The following SUSD6 variants were observed in gnomAD, a reference collection of about 807,000 sequenced individuals.
SUSD6 encodes the protein sushi domain containing 6.
SUSD6 carries 16 observed loss-of-function variants against 28.4 expected under a neutral mutation model. That is an observed-to-expected ratio of 0.56 (90% CI 0.38 to 0.86). The LOEUF is 0.86. Among genes scored for constraint, SUSD6 ranks in the 40% least tolerant of loss-of-function variants. The pLI is 0.00. For missense variants in SUSD6, 341 were observed against 384.2 expected (o/e 0.89, Z 0.94); for synonymous variants, 147 against 159.6 (o/e 0.92, Z 0.59).
At chr14:69,659,602 C>G (rs1885633405) in intron 2 of SUSD6, among the ~76,000 whole-genome samples, 1 of 152,230 alleles carries the variant, frequency 6.6e-6, no homozygotes, top group Non-Finnish European at 1.5e-5. Context: ...ACTGCAACCT[C>G]TGCCTCCCGG....
intron 2 of SUSD6, among the ~76,000 whole-genome samples, chr14:69,664,109 G>A (rs1346836532): frequency 1.3e-5 from 2 of 152,038 alleles, no homozygotes; most frequent in Non-Finnish European, 2.9e-5. Flanking sequence ...CTCCCGAGTA[G>A]CTGGTACCAC....
intron 2 of SUSD6, among the ~76,000 whole-genome samples, chr14:69,690,828 T>C (rs2184598): frequency 0.12 from 18,768 of 152,240 alleles, 2,815 homozygotes; most frequent in African/African-American, 0.36. Context: ...CTGTGCACAG[T>C]GAGTACAGAG....
intron 1 of SUSD6, 96 bp downstream of exon 1, chr14:69,611,924 C>G (rs1884880563): frequency 6.6e-6 from 1 of 151,202 alleles, no homozygotes; most frequent in African/African-American, 2.4e-5. Flanking sequence ...CGCGCACCGC[C>G]CAGGAGTGAC....
intron 2 of SUSD6, among the ~76,000 whole-genome samples, chr14:69,693,536 T>C (rs1454131935): frequency 6.6e-6 from 1 of 152,124 alleles, no homozygotes; most frequent in Non-Finnish European, 1.5e-5. Context: ...TCTCCAAATA[T>C]CCAGAAATTT....
intron 1 of SUSD6, among the ~76,000 whole-genome samples, chr14:69,631,247 T>C (rs1885188921): frequency 6.6e-6 from 1 of 152,234 alleles, no homozygotes; most frequent in Non-Finnish European, 1.5e-5. Context: ...AGGGGGTGCA[T>C]AGCTGCAAGC....
intron 1 of SUSD6, among the ~76,000 whole-genome samples, chr14:69,651,760 C>A (rs1342357086): frequency 2.0e-5 from 3 of 152,092 alleles, no homozygotes; most frequent in Admixed American, 1.3e-4. Flanking sequence ...GATACTGTAG[C>A]CTGGCCATTT....
Position 69,692,851 on chromosome 14 carries a change from A to G in SUSD6, c.122-10544A>G, listed in dbSNP as rs374243432. Among the ~76,000 whole-genome samples, 12 of 152,318 alleles carry G rather than the reference A, an allele frequency of 7.9e-5. No homozygotes were observed. In the South Asian group the frequency reaches 2.5e-3, roughly 32 times the overall value. On this transcript the variant is annotated intron_variant, in intron 2 of 5. Coordinates refer to ENST00000342745, the MANE Select transcript of SUSD6 (RefSeq NM_014734.4). ...TCCTTCTGAGCTGCCGTAAACAGCC[A>G]TCTGGGCCTTTCCTGAGAGGACCAG...
At chr14:69,630,059 G>A (rs1885171140) in intron 1 of SUSD6, among the ~76,000 whole-genome samples, 1 of 152,186 alleles carries the variant, frequency 6.6e-6, no homozygotes, top group Admixed American at 6.5e-5. Context: ...AGTATTACTA[G>A]GCAGGCTGAT....
chr14:69,712,780 A>T lies in SUSD6; in HGVS notation c.*1801A>T, dbSNP rs1016554206. The T allele has an allele frequency of 6.6e-6, 1 of 152,592 alleles. No homozygotes were observed. Among genetic ancestry groups the T allele is most frequent in the African/African-American group, 2.4e-5 (1 of 41,436 alleles). 9.5% of individuals were successfully genotyped at this position (152,592 alleles called of 1,614,324 possible). ...CCTTCCTTCCTCTCAGGGTAAGGGC[A>T]GTGCCTGCTGTGCCTGTTGGCCACT... On this transcript the variant is annotated 3_prime_UTR_variant, in exon 6 of 6. Coordinates refer to ENST00000342745, the MANE Select transcript of SUSD6 (RefSeq NM_014734.4).
At chr14:69,669,029 A>T (rs1595049011) in intron 2 of SUSD6, among the ~76,000 whole-genome samples, 2 of 146,668 alleles carry the variant, frequency 1.4e-5, no homozygotes. Flanking sequence ...TTAATGAATT[A>T]CCCAGTCTCA....
chr14:69,628,046 G>A (rs1885140831), intron 1 of SUSD6, among the ~76,000 whole-genome samples: 1 of 151,592 alleles, frequency 6.6e-6, no homozygotes, highest in African/African-American at 2.4e-5. Context: ...CGATTCTTCT[G>A]CCTCAGCTCC....
intron 1 of SUSD6, among the ~76,000 whole-genome samples, chr14:69,649,414 T>C (rs1885472507): frequency 6.6e-6 from 1 of 152,186 alleles, no homozygotes; most frequent in South Asian, 2.1e-4. Flanking sequence ...ACACATGAGA[T>C]ATATCTCTAG....
At chr14:69,645,671 T>C (rs1303493122) in intron 1 of SUSD6, among the ~76,000 whole-genome samples, 1 of 152,178 alleles carries the variant, frequency 6.6e-6, no homozygotes, top group Non-Finnish European at 1.5e-5. Flanking sequence ...AAACCCCCTC[T>C]AGTTATCATC....
chr14:69,630,684 A>C (rs1264125141), intron 1 of SUSD6, among the ~76,000 whole-genome samples: 2 of 151,752 alleles, frequency 1.3e-5, no homozygotes, highest in Non-Finnish European at 1.5e-5. Flanking sequence ...ATGGAAAAAA[A>C]AAAAGAAAAA....
chr14:69,681,546 G>C (rs1205068062), intron 2 of SUSD6, among the ~76,000 whole-genome samples: 1 of 152,216 alleles, frequency 6.6e-6, no homozygotes, highest in Non-Finnish European at 1.5e-5. Context: ...GCCAGAGAAG[G>C]GGACGGCCCC....
At chr14:69,700,740 C>T (rs1886302013) in intron 2 of SUSD6, among the ~76,000 whole-genome samples, 2 of 152,152 alleles carry the variant, frequency 1.3e-5, no homozygotes, top group African/African-American at 4.8e-5. Flanking sequence ...CATTATTTGA[C>T]ATGTGTTAGA....
At chr14:69,667,583 C>T (rs1885763544) in intron 2 of SUSD6, among the ~76,000 whole-genome samples, 1 of 151,420 alleles carries the variant, frequency 6.6e-6, no homozygotes. Context: ...CGGGGTTTCA[C>T]CGTGTTAGCC....
At chr14:69,698,763 T>C (rs1295305876) in intron 2 of SUSD6, among the ~76,000 whole-genome samples, 2 of 152,212 alleles carry the variant, frequency 1.3e-5, no homozygotes, top group Non-Finnish European at 2.9e-5. Context: ...GGACTTTGAC[T>C]GAATGCCTAC....
intron 1 of SUSD6, among the ~76,000 whole-genome samples, chr14:69,625,914 G>T (rs1335667356): frequency 6.6e-6 from 1 of 152,176 alleles, no homozygotes; most frequent in Non-Finnish European, 1.5e-5. Flanking sequence ...AACCTGGATG[G>T]CCTGTGTGAG....
Sources: gnomAD v4.1 joint callset for allele counts (sites outside exome capture counted in the v4.1 genomes callset) on GRCh38, gnomAD v4.1.1 for gene constraint, MANE v1.5 for transcripts, NCBI Gene and HGNC (gene_info 2026-07-23, HGNC 2026-07-21) for gene names.